Variants in TP63 observed in about 807,000 individuals in gnomAD.
The protein encoded by TP63 is tumor protein p63.
A neutral mutation model predicts 82.8 loss-of-function variants in TP63; 17 were observed. The ratio of observed to expected loss-of-function variants is 0.21; its 90% confidence interval spans 0.14 to 0.31. The LOEUF (loss-of-function observed/expected upper bound fraction) is 0.31. Ranked by LOEUF, TP63 falls within the 10% of genes least tolerant of loss-of-function variation. The probability of loss-of-function intolerance (pLI) is 1.00; values close to 1 mark genes in which losing one functional copy is unlikely to be tolerated. For synonymous variants in TP63, 330 were observed against 321.7 expected, an observed-to-expected ratio of 1.03 and a Z score of -0.28; for missense variants, 648 against 895.3, an observed-to-expected ratio of 0.72 and a Z score of 3.52.
At chr3:189,748,508 C>CAAAAAAAAAAAAA (rs58926854) in intron 3 of TP63, among the ~76,000 whole-genome samples, 109 of 31,230 alleles carry the variant, frequency 3.5e-3, no homozygotes, top group Admixed American at 6.4e-3. Flanking sequence ...AGGAAAACTA[C>CAAAAAAAAAAAAA]AAAAAAAAAA....
chr3:189,881,125 C>T, intron 10 of TP63: 1 of 985,302 alleles, frequency 1.0e-6, no homozygotes, highest in African/African-American at 1.7e-5. Context: ...TCAAGCCTAC[C>T]TACCATAAAA....
intron 5 of TP63, among the ~76,000 whole-genome samples, chr3:189,865,063 C>T (rs950289919): frequency 2.0e-5 from 3 of 151,916 alleles, no homozygotes; most frequent in Non-Finnish European, 4.4e-5. Flanking sequence ...TACATGGTAG[C>T]TATTCTACTT....
intron 10 of TP63, among the ~76,000 whole-genome samples, chr3:189,886,114 AGAG>A (rs1720418253): frequency 6.6e-6 from 1 of 152,234 alleles, no homozygotes; most frequent in Non-Finnish European, 1.5e-5. Context: ...TGAAGGGAAA[AGAG>A]GAGGCAAGAA....
chr3:189,727,003 T>C (rs1032686348), intron 1 of TP63, among the ~76,000 whole-genome samples: 2 of 152,212 alleles, frequency 1.3e-5, no homozygotes, highest in East Asian at 1.9e-4. Context: ...TAAATAAATA[T>C]GGCAGTGTCC....
chr3:189,636,259 T>G (rs1729774522), intron 1 of TP63, among the ~76,000 whole-genome samples: 1 of 152,184 alleles, frequency 6.6e-6, no homozygotes, highest in South Asian at 2.1e-4. Context: ...AGAGTCATCT[T>G]AGCAGAGTGC....
chr3:189,664,224 A>G (rs1331334634), intron 1 of TP63, among the ~76,000 whole-genome samples: 1 of 152,170 alleles, frequency 6.6e-6, no homozygotes, highest in Non-Finnish European at 1.5e-5. Context: ...GTGAACAGCA[A>G]CAGGAATATC....
At chr3:189,771,868 A>G (rs1433332536) in intron 3 of TP63, among the ~76,000 whole-genome samples, 1 of 152,196 alleles carries the variant, frequency 6.6e-6, no homozygotes, top group Non-Finnish European at 1.5e-5. Flanking sequence ...TCCTATGCAT[A>G]TGACCCTGTT....
intron 4 of TP63, among the ~76,000 whole-genome samples, chr3:189,826,557 T>C (rs1161648525): frequency 2.6e-5 from 4 of 152,186 alleles, no homozygotes; most frequent in Non-Finnish European, 5.9e-5. Context: ...AATATCCCAA[T>C]TAAAAAACTG....
chr3:189,778,999 C>G (rs759538486), intron 3 of TP63, among the ~76,000 whole-genome samples: 17 of 151,916 alleles, frequency 1.1e-4, no homozygotes, highest in Non-Finnish European at 2.1e-4. Context: ...GTGTGTGTGT[C>G]TTTATATGAC....
chr3:189,849,886 A>G (rs1167644315), intron 4 of TP63, among the ~76,000 whole-genome samples: 1 of 152,158 alleles, frequency 6.6e-6, no homozygotes, highest in Non-Finnish European at 1.5e-5. Context: ...CTGAGTTCTA[A>G]CATCTTCTGT....
the TP63 span, among the ~76,000 whole-genome samples, chr3:189,611,756 T>A: frequency 3.3e-3 from 500 of 152,382 alleles, 1 homozygote; most frequent in African/African-American, 0.012. Context: ...TTTCTATTTA[T>A]CACCATGGGA....
At chr3:189,868,429 A>G in intron 7 of TP63, 151 bp from the exon 8 acceptor site, 4 of 1,054,678 alleles carry the variant, frequency 3.8e-6, no homozygotes, top group Non-Finnish European at 5.6e-6. Flanking sequence ...GTGTTCTGCC[A>G]AGTGCTTTTG....
chr3:189,611,018 T>G, the TP63 span, among the ~76,000 whole-genome samples: 1 of 152,346 alleles, frequency 6.6e-6, no homozygotes, highest in Admixed American at 6.5e-5. Flanking sequence ...GCCCCCATCA[T>G]TCAATTACCT....
At chr3:189,737,617 A>G (rs1056596895) in intron 1 of TP63, 123 bp from the exon 2 acceptor site, 17 of 1,240,102 alleles carry the variant, frequency 1.4e-5, no homozygotes, top group Middle Eastern at 4.5e-4. Context: ...CATGTGCTAC[A>G]TATATACCTG....
intron 4 of TP63, among the ~76,000 whole-genome samples, chr3:189,837,102 C>T (rs992876973): frequency 6.6e-6 from 1 of 152,122 alleles, no homozygotes; most frequent in African/African-American, 2.4e-5. Context: ...CAAATATATA[C>T]TCTTCCCAAC....
chr3:189,623,925 T>TA, the TP63 span, among the ~76,000 whole-genome samples: 1 of 152,136 alleles, frequency 6.6e-6, no homozygotes, highest in Non-Finnish European at 1.5e-5. Flanking sequence ...TTATTGTGGG[T>TA]AAAAAATAAA....
intron 3 of TP63, among the ~76,000 whole-genome samples, chr3:189,768,418 T>C (rs1252146686): frequency 1.3e-5 from 2 of 152,158 alleles, no homozygotes; most frequent in Non-Finnish European, 2.9e-5. Flanking sequence ...GTTATTCTCA[T>C]GATTATGTAA....
At chr3:189,767,822 A>G (rs1194309505) in intron 3 of TP63, among the ~76,000 whole-genome samples, 5 of 152,164 alleles carry the variant, frequency 3.3e-5, no homozygotes, top group Admixed American at 3.3e-4. Flanking sequence ...GAGACAAAAG[A>G]GCTACCTTAG....
rs546531688 is a variant in TP63, at chr3:189,792,153, C to T, written c.325-16119C>T. ...CTTTTCCCACAACTTTTGAATTCTT[C>T]CCCAACCCTTAGCAGATTTGGATTT... On this transcript the variant is annotated intron_variant, in intron 3 of 13. Coordinates refer to ENST00000264731, the MANE Select transcript of TP63 (RefSeq NM_003722.5). 3.9e-5 allele frequency among the ~76,000 whole-genome samples: 6 copies of T among 152,130 alleles called. No individual in the cohort carries two copies. The South Asian group carries it at 1.2e-3, about 32-fold the overall frequency.
Sources: allele counts gnomAD v4.1 joint callset (sites outside exome capture counted in the v4.1 genomes callset), GRCh38; gene constraint gnomAD v4.1.1; transcripts MANE v1.5; gene names NCBI Gene and HGNC (gene_info 2026-07-23, HGNC 2026-07-21).